Variants in ADAMTSL1 observed in about 807,000 individuals in gnomAD.
ADAMTSL1 encodes the protein ADAMTS like 1.
Under a neutral mutation model 201.8 loss-of-function variants are expected in ADAMTSL1, and 126 were observed. The ratio of observed to expected loss-of-function variants is 0.62; its 90% CI spans 0.54 to 0.72. The LOEUF (loss-of-function observed/expected upper bound fraction) is 0.72, where lower values mean the gene tolerates loss of function less well. Ranked by LOEUF, ADAMTSL1 falls within the 30% of genes least tolerant of loss-of-function variation. ADAMTSL1 has a pLI of 0.00. For missense variants in ADAMTSL1, 2,679 were observed against 2,277.8 expected (o/e 1.18, Z -3.59); for synonymous variants, 1,121 against 903.4 (o/e 1.24, Z -4.32).
At chr9:18,671,707 A>G (rs762263016) in intron 9 of ADAMTSL1, among the ~76,000 whole-genome samples, 2 of 152,182 alleles carry the variant, frequency 1.3e-5, no homozygotes, top group Admixed American at 1.3e-4. Context: ...CACTGAGAGA[A>G]ACCCTTGAAA....
chr9:18,637,414 C>T (rs1305201856), intron 6 of ADAMTSL1, among the ~76,000 whole-genome samples: 1 of 152,062 alleles, frequency 6.6e-6, no homozygotes, highest in Non-Finnish European at 1.5e-5. Flanking sequence ...AGAACATCAC[C>T]AAGTGGGGGA....
intron 15 of ADAMTSL1, among the ~76,000 whole-genome samples, chr9:18,747,042 G>A (rs1464039264): frequency 1.3e-5 from 2 of 152,154 alleles, no homozygotes; most frequent in African/African-American, 4.8e-5. Context: ...AAATAGATCT[G>A]TCATTTTGTC....
intron 2 of ADAMTSL1, among the ~76,000 whole-genome samples, chr9:18,284,283 A>G (rs973198839): frequency 2.6e-5 from 4 of 152,192 alleles, no homozygotes; most frequent in Non-Finnish European, 4.4e-5. Context: ...TAAAAAATAG[A>G]TGATGATACC....
intron 7 of ADAMTSL1, among the ~76,000 whole-genome samples, chr9:18,646,322 A>C (rs1039298395): frequency 3.9e-5 from 6 of 152,206 alleles, no homozygotes; most frequent in Non-Finnish European, 8.8e-5. Flanking sequence ...ATATACAATC[A>C]TGTCATCTTC....
At chr9:18,766,129 G>A (rs925283329) in intron 16 of ADAMTSL1, among the ~76,000 whole-genome samples, 1 of 152,154 alleles carries the variant, frequency 6.6e-6, no homozygotes, top group Non-Finnish European at 1.5e-5. Context: ...GGTGTACAAC[G>A]CTTCTCTTGC....
intron 2 of ADAMTSL1, among the ~76,000 whole-genome samples, chr9:18,303,982 A>T (rs13285116): frequency 0.026 from 3,974 of 151,972 alleles, 77 homozygotes; most frequent in Non-Finnish European, 0.042. Flanking sequence ...AGAGCTCTCC[A>T]CCCGTTCCGA....
rs147038212 is a variant in ADAMTSL1 at position 18,100,689 on chromosome 9, C to T, written c.88-63173C>T. ...CTAGTAGTTTCTTTTCAGTGTGGATCCCTGACCTAGACAGGAGGCCTGGCT... is the reference window on the plus strand; with the variant it reads ...CTAGTAGTTTCTTTTCAGTGTGGATTCCTGACCTAGACAGGAGGCCTGGCT... On this transcript the variant is annotated intron_variant, in intron 1 of 29. Coordinates refer to the ADAMTSL1 transcript ENST00000680146. Among the ~76,000 whole-genome samples, 903 of 152,222 alleles carry T rather than the reference C, an allele frequency of 5.9e-3. 7 individuals carry two copies. The highest frequency in any genetic ancestry group is 0.021 in the African/African-American group (865 of 41,518).
chr9:18,538,308 G>C (rs1053650963), intron 3 of ADAMTSL1, among the ~76,000 whole-genome samples: 2 of 152,248 alleles, frequency 1.3e-5, no homozygotes, highest in East Asian at 3.9e-4. Context: ...GTGATCTCCA[G>C]CATTGTTGTG....
intron 2 of ADAMTSL1, among the ~76,000 whole-genome samples, chr9:18,218,644 G>A (rs1453474552): frequency 1.3e-5 from 2 of 151,844 alleles, no homozygotes; most frequent in Non-Finnish European, 2.9e-5. Flanking sequence ...TGATTTATAT[G>A]CATTCTTTAA....
chr9:18,337,560 A>C (rs927603989), intron 2 of ADAMTSL1, among the ~76,000 whole-genome samples: 1 of 152,188 alleles, frequency 6.6e-6, no homozygotes, highest in African/African-American at 2.4e-5. Flanking sequence ...ACTGAGACAC[A>C]GTGAAATTAT....
At chr9:18,624,564 T>A (rs924505968) in intron 5 of ADAMTSL1, among the ~76,000 whole-genome samples, 1 of 152,196 alleles carries the variant, frequency 6.6e-6, no homozygotes, top group African/African-American at 2.4e-5. Flanking sequence ...GATGGCTGTA[T>A]AGTGTCCTGG....
chr9:18,351,425 CATAA>C (rs1471421991), intron 2 of ADAMTSL1, among the ~76,000 whole-genome samples: 1 of 151,742 alleles, frequency 6.6e-6, no homozygotes, highest in Non-Finnish European at 1.5e-5. Flanking sequence ...ATGAGGAACA[CATAA>C]ATAAAACCCC....
intron 1 of ADAMTSL1, among the ~76,000 whole-genome samples, chr9:18,063,622 A>G (rs1822558484): frequency 6.6e-6 from 1 of 152,190 alleles, no homozygotes; most frequent in South Asian, 2.1e-4. Flanking sequence ...ACCCGTCAGA[A>G]TGGCGGGCAG....
intron 2 of ADAMTSL1, among the ~76,000 whole-genome samples, chr9:18,360,899 A>C (rs781345897): frequency 9.2e-5 from 14 of 152,134 alleles, no homozygotes; most frequent in Non-Finnish European, 1.5e-4. Flanking sequence ...AACCATTTTT[A>C]AGTTTCCCAT....
At chr9:18,680,117 G>A (rs1167676341) in intron 10 of ADAMTSL1, among the ~76,000 whole-genome samples, 195 bp from the exon 11 acceptor site, 1 of 152,234 alleles carries the variant, frequency 6.6e-6, no homozygotes, top group Non-Finnish European at 1.5e-5. Context: ...ACGGTTTGCA[G>A]AGCCCTTTTG....
intron 19 of ADAMTSL1, among the ~76,000 whole-genome samples, chr9:18,784,227 C>G (rs1281881468): frequency 6.6e-6 from 1 of 152,168 alleles, no homozygotes; most frequent in East Asian, 1.9e-4. Context: ...ACATAGTACC[C>G]TATGCATAAT....
At chr9:18,165,504 C>A (rs1444460167) in intron 2 of ADAMTSL1, among the ~76,000 whole-genome samples, 1 of 151,750 alleles carries the variant, frequency 6.6e-6, no homozygotes, top group African/African-American at 2.4e-5. Context: ...TGAAAACTGT[C>A]CATGCTGTTG....
At chr9:18,154,857 C>T (rs1392176753) in intron 1 of ADAMTSL1, among the ~76,000 whole-genome samples, 1 of 152,014 alleles carries the variant, frequency 6.6e-6, no homozygotes, top group African/African-American at 2.4e-5. Context: ...TAGGCATTTT[C>T]TTGAGATACT....
intron 2 of ADAMTSL1, among the ~76,000 whole-genome samples, chr9:18,512,974 G>A (rs117424570): frequency 2.0e-5 from 3 of 152,232 alleles, no homozygotes; most frequent in East Asian, 3.9e-4. Flanking sequence ...AAAGAATTGG[G>A]AACCTAATCC....
Sources: allele counts gnomAD v4.1 joint callset (sites outside exome capture counted in the v4.1 genomes callset), GRCh38; gene constraint gnomAD v4.1.1; transcripts MANE v1.5; gene names NCBI Gene and HGNC (gene_info 2026-07-23, HGNC 2026-07-21).